The following RBFOX1 variants were observed in gnomAD, a reference collection of about 807,000 sequenced individuals.
RBFOX1 encodes RNA binding fox-1 homolog 1.
Under a neutral mutation model 57.7 loss-of-function variants are expected in RBFOX1, and 8 were observed. The ratio of observed to expected loss-of-function variants is 0.14; its 90% CI spans 0.08 to 0.25. The LOEUF (loss-of-function observed/expected upper bound fraction) is 0.25, where lower values mean the gene tolerates loss of function less well. RBFOX1 is among the 10% of genes least tolerant of loss of function. RBFOX1 has a pLI of 1.00. For synonymous variants in RBFOX1, 326 were observed against 222.4 expected (o/e 1.47, Z -4.15); for missense variants, 611 against 548.5 (o/e 1.11, Z -1.14).
chr16:6,946,579 C>G (rs1253948630), intron 3 of RBFOX1, among the ~76,000 whole-genome samples: 1 of 152,060 alleles, frequency 6.6e-6, no homozygotes, highest in Non-Finnish European at 1.5e-5. Context: ...AACCTGTTCT[C>G]CAAGAACCTT....
chr16:5,617,938 A>G (rs569819355), intron 3 of RBFOX1, among the ~76,000 whole-genome samples: 18 of 152,320 alleles, frequency 1.2e-4, no homozygotes, highest in Non-Finnish European at 1.9e-4. Context: ...TGTTCAAGCC[A>G]TCAGTCTTTT....
At chr16:6,425,326 C>T (rs1235621584) in intron 2 of RBFOX1, among the ~76,000 whole-genome samples, 1 of 152,128 alleles carries the variant, frequency 6.6e-6, no homozygotes, top group Non-Finnish European at 1.5e-5. Flanking sequence ...AGGAGGAATA[C>T]TCTAAAATCA....
intron 3 of RBFOX1, among the ~76,000 whole-genome samples, chr16:6,910,454 C>G (rs1448134946): frequency 6.6e-6 from 1 of 152,222 alleles, no homozygotes; most frequent in African/African-American, 2.4e-5. Flanking sequence ...AAATCAAGGA[C>G]TTGGCTCTGT....
chr16:6,974,424 A>C (rs1239546872), intron 3 of RBFOX1, among the ~76,000 whole-genome samples: 1 of 138,780 alleles, frequency 7.2e-6, no homozygotes, highest in African/African-American at 2.8e-5. Flanking sequence ...AGTTCACTGC[A>C]ACTTTCGCCT....
chr16:6,089,078 A>AATATAT (rs1555503293), intron 1 of RBFOX1, among the ~76,000 whole-genome samples: 140 of 137,718 alleles, frequency 1.0e-3, no homozygotes, highest in African/African-American at 1.8e-3. Context: ...AAAAAAAAAA[A>AATATAT]ATATATATAT....
chr16:7,205,498 G>C (rs1456649729), intron 4 of RBFOX1, among the ~76,000 whole-genome samples: 4 of 148,070 alleles, frequency 2.7e-5, no homozygotes, highest in Non-Finnish European at 1.5e-5. Flanking sequence ...GGGTGATAGA[G>C]TGAGACTCTG....
intron 2 of RBFOX1, among the ~76,000 whole-genome samples, chr16:6,524,600 A>G (rs920421021): frequency 6.6e-6 from 1 of 152,098 alleles, no homozygotes; most frequent in Non-Finnish European, 1.5e-5. Flanking sequence ...CCTGTGGAGG[A>G]TTGTGTTTGT....
intron 4 of RBFOX1, among the ~76,000 whole-genome samples, chr16:7,224,282 A>G (rs898420873): frequency 2.6e-5 from 4 of 152,276 alleles, no homozygotes; most frequent in South Asian, 2.1e-4. Flanking sequence ...AGTTATGGAC[A>G]GTGTTTCTCT....
intron 2 of RBFOX1, among the ~76,000 whole-genome samples, chr16:6,551,061 A>G (rs1014218311): frequency 5.3e-5 from 8 of 152,120 alleles, no homozygotes; most frequent in African/African-American, 1.7e-4. Context: ...GGCCCCAGGA[A>G]TTTTGCCTCC....
At chr16:6,547,032 C>T (rs1196101797) in intron 2 of RBFOX1, among the ~76,000 whole-genome samples, 2 of 152,190 alleles carry the variant, frequency 1.3e-5, no homozygotes, top group Non-Finnish European at 2.9e-5. Context: ...TTTTAAAGTG[C>T]CTGAGCATGC....
At chr16:6,301,434 T>C (rs1341790201) in intron 1 of RBFOX1, among the ~76,000 whole-genome samples, 2 of 152,218 alleles carry the variant, frequency 1.3e-5, no homozygotes, top group African/African-American at 4.8e-5. Flanking sequence ...TAAGTACCTT[T>C]ATGAAAATGA....
intron 2 of RBFOX1, among the ~76,000 whole-genome samples, chr16:6,435,782 T>G (rs528275447): frequency 6.6e-6 from 1 of 152,286 alleles, no homozygotes; most frequent in South Asian, 2.1e-4. Context: ...GTCTAGATTG[T>G]TCATTTTAAT....
intron 2 of RBFOX1, among the ~76,000 whole-genome samples, chr16:6,590,119 C>T (rs532481330): frequency 1.1e-4 from 16 of 152,272 alleles, no homozygotes; most frequent in African/African-American, 3.6e-4. Context: ...GTAAGCATCA[C>T]CATTTTTTCA....
chr16:6,686,285 C>G lies in RBFOX1; in HGVS notation c.-16+31635C>G, dbSNP rs1224448339. ...GGCCATTCATAGCAATCGAAGGCGT[C>G]TTTCTTCATGGGAACTTCACAGATT... On this transcript the variant is annotated intron_variant, in intron 3 of 15. Coordinates refer to ENST00000550418, the MANE Select transcript of RBFOX1 (RefSeq NM_018723.4). Among the ~76,000 whole-genome samples, 3 of 152,200 alleles carry G rather than the reference C, an allele frequency of 2.0e-5. No homozygotes were observed. In the East Asian group the frequency reaches 5.8e-4, roughly 29 times the overall value.
chr16:6,617,077 G>C (rs924670924), intron 2 of RBFOX1, among the ~76,000 whole-genome samples: 1 of 151,906 alleles, frequency 6.6e-6, no homozygotes, highest in Non-Finnish European at 1.5e-5. Context: ...GGGTACTTAA[G>C]AACGTAGAGG....
intron 3 of RBFOX1, among the ~76,000 whole-genome samples, chr16:6,977,947 A>AAAAAAT (rs57981662): frequency 1.2e-4 from 17 of 146,066 alleles, no homozygotes; most frequent in South Asian, 2.2e-4. Context: ...GAAAAAAAAA[A>AAAAAAT]AAAAGGCAAA....
At position 6,701,117 on chromosome 16, in the gene RBFOX1, C is replaced by T. The variant is rs772853342; in HGVS notation, c.-16+46467C>T. ...GGAGCTCCAGAGGTGAAGAGTTTAT[C>T]AGTGTCTCTGTGTGTGTATGTGTGT... On this transcript the variant is annotated intron_variant, in intron 3 of 15. Coordinates refer to ENST00000550418, the MANE Select transcript of RBFOX1 (RefSeq NM_018723.4). 3.3e-4 allele frequency among the ~76,000 whole-genome samples: 48 copies of T among 146,164 alleles called. 1 individual carries two copies. Among genetic ancestry groups the T allele is most frequent in the Non-Finnish European group, 7.0e-4 (47 of 66,862 alleles).
intron 1 of RBFOX1, among the ~76,000 whole-genome samples, chr16:5,305,946 C>G (rs760694856): frequency 1.3e-5 from 2 of 152,130 alleles, no homozygotes; most frequent in Non-Finnish European, 2.9e-5. Context: ...GTCCCAATTA[C>G]TCAGGAGGCC....
At chr16:5,396,978 C>T (rs77308803) in intron 1 of RBFOX1, among the ~76,000 whole-genome samples, 2,306 of 152,318 alleles carry the variant, frequency 0.015, 29 homozygotes, top group Non-Finnish European at 0.025. Context: ...TTCCTGTAGT[C>T]AGACCAGTTT....
Sources: gnomAD v4.1 joint callset for allele counts (sites outside exome capture counted in the v4.1 genomes callset) on GRCh38, gnomAD v4.1.1 for gene constraint, MANE v1.5 for transcripts, NCBI Gene and HGNC (gene_info 2026-07-23, HGNC 2026-07-21) for gene names.